Variants in SH2D4A observed in about 807,000 individuals in gnomAD.
SH2D4A encodes SH2 domain containing 4A.
SH2D4A carries 70 observed loss-of-function variants against 64.7 expected under a neutral mutation model. That is an observed-to-expected ratio of 1.08 (90% CI 0.89 to 1.32). SH2D4A has a LOEUF of 1.32. Ranked by LOEUF, SH2D4A falls within the 40% of genes most tolerant of loss-of-function variation. SH2D4A has a pLI of 0.00. For missense variants in SH2D4A, 706 were observed against 540.1 expected (o/e 1.31, Z -3.04); for synonymous variants, 268 against 200.7 (o/e 1.34, Z -2.83).
At chr8:19,360,293 C>G (rs1339071292) in intron 5 of SH2D4A, among the ~76,000 whole-genome samples, 11 of 146,236 alleles carry the variant, frequency 7.5e-5, no homozygotes, top group African/African-American at 2.8e-4. Context: ...AAATATTTTT[C>G]TGTTTTTTTT....
rs142576164 is a variant in SH2D4A, at chr8:19,362,413, C to T, written c.706+1099C>T. 8.5e-5 allele frequency among the ~76,000 whole-genome samples: 13 copies of T among 152,220 alleles called. No homozygotes were observed. The East Asian group carries it at 1.2e-3, about 14-fold the overall frequency. ...AATTCTGTTTTACAAAGTAGTCATG[C>T]GCTGTATGATGTTTTGGTCAACGAT... On this transcript the variant is annotated intron_variant, in intron 6 of 9. Coordinates refer to ENST00000265807, the MANE Select transcript of SH2D4A (RefSeq NM_022071.4).
rs372557685 is a variant in SH2D4A at position 19,357,989 on chromosome 8, GA to G, written c.594+708del. ...CCTGTGTTCCTGTGGACCATGCCATGAATTCCATGATTCCTCTGAAGGGACA... is the reference window on the plus strand; with the variant it reads ...CCTGTGTTCCTGTGGACCATGCCATGATTCCATGATTCCTCTGAAGGGACA... On this transcript the variant is annotated intron_variant, in intron 5 of 9. Transcript: ENST00000265807. Among the ~76,000 whole-genome samples, 26 of 152,270 alleles carry G rather than the reference GA, an allele frequency of 1.7e-4. No individual in the cohort carries two copies. In the East Asian group the frequency reaches 2.5e-3, roughly 15 times the overall value.
At chr8:19,389,735 C>T (rs377379526) in intron 8 of SH2D4A, among the ~76,000 whole-genome samples, 5 of 152,202 alleles carry the variant, frequency 3.3e-5, no homozygotes, top group South Asian at 4.2e-4. Context: ...GGCAACATGG[C>T]GAAACCCCAT....
intron 2 of SH2D4A, among the ~76,000 whole-genome samples, chr8:19,324,613 C>T (rs1051377702): frequency 6.6e-5 from 10 of 152,142 alleles, no homozygotes; most frequent in African/African-American, 1.9e-4. Flanking sequence ...CGCCCAGTCA[C>T]GAGTGTCTTG....
intron 1 of SH2D4A, among the ~76,000 whole-genome samples, chr8:19,318,820 C>A (rs2052133695): frequency 6.6e-6 from 1 of 152,166 alleles, no homozygotes; most frequent in Non-Finnish European, 1.5e-5. Flanking sequence ...AGGGAAATTG[C>A]AGAAAATGCA....
Position 19,313,937 on chromosome 8 carries a change from C to A in SH2D4A, c.-205+114C>A, listed in dbSNP as rs541130447. ...TGCATGGGAGGCGCAGGGGCCAGAG[C>A]GGGCGGGCGGAAGCCTCACCCCCGC... On this transcript the variant is annotated intron_variant, in intron 1 of 9. Coordinates refer to ENST00000265807, the MANE Select transcript of SH2D4A (RefSeq NM_022071.4). 9.5e-5 allele frequency: 122 copies of A among 1,280,972 alleles called. 1 individual carries two copies. In the African/African-American group the frequency reaches 1.3e-3, roughly 14 times the overall value. The allele number at this position is 1,280,972 out of a possible 1,614,324, so 79.4% of individuals were successfully genotyped here.
At chr8:19,377,531 A>T (rs1478015621) in intron 8 of SH2D4A, among the ~76,000 whole-genome samples, 1 of 152,204 alleles carries the variant, frequency 6.6e-6, no homozygotes, top group Admixed American at 6.5e-5. Context: ...TGTAATAAAA[A>T]TATACAGTAT....
chr8:19,365,391 C>T (rs1563203372), intron 7 of SH2D4A, among the ~76,000 whole-genome samples: 1 of 152,110 alleles, frequency 6.6e-6, no homozygotes, highest in Non-Finnish European at 1.5e-5. Flanking sequence ...TTACCGACAA[C>T]AAAGCAAGAA....
chr8:19,338,282 G>C (rs1056022316), intron 4 of SH2D4A, among the ~76,000 whole-genome samples: 1 of 152,160 alleles, frequency 6.6e-6, no homozygotes, highest in Non-Finnish European at 1.5e-5. Context: ...TCCTCGTGCT[G>C]TAGATTTTAG....
At chr8:19,371,597 G>T (rs1653652926) in intron 7 of SH2D4A, among the ~76,000 whole-genome samples, 1 of 150,726 alleles carries the variant, frequency 6.6e-6, no homozygotes, top group South Asian at 2.1e-4. Flanking sequence ...CCTATGCTTG[G>T]CTATTAATTT....
chr8:19,388,919 C>T (rs1046294444), intron 8 of SH2D4A, among the ~76,000 whole-genome samples: 1 of 152,144 alleles, frequency 6.6e-6, no homozygotes, highest in African/African-American at 2.4e-5. Context: ...ACAGTCATGG[C>T]AGAAGGTTCT....
At chr8:19,332,691 CAAAAAAAAA>C (rs58695585) in intron 2 of SH2D4A, among the ~76,000 whole-genome samples, 4 of 81,712 alleles carry the variant, frequency 4.9e-5, no homozygotes, top group African/African-American at 6.8e-5. Flanking sequence ...GTGAGACTGT[CAAAAAAAAA>C]AAAAAAAAAA....
At chr8:19,368,214 ATG>A (rs1355785309) in intron 7 of SH2D4A, among the ~76,000 whole-genome samples, 1 of 151,900 alleles carries the variant, frequency 6.6e-6, no homozygotes, top group Non-Finnish European at 1.5e-5. Context: ...TTCATTGTTT[ATG>A]TGTGTGTTTT....
intron 2 of SH2D4A, among the ~76,000 whole-genome samples, chr8:19,332,333 A>G (rs2052374778): frequency 6.6e-6 from 1 of 152,082 alleles, no homozygotes; most frequent in African/African-American, 2.4e-5. Flanking sequence ...CAGTTTCTTC[A>G]TTTATAAAAT....
In SH2D4A at chr8:19,361,828, G is replaced by A. The variant is rs530721634; in HGVS notation, c.706+514G>A. On this transcript the variant is annotated intron_variant, in intron 6 of 9. Coordinates refer to ENST00000265807, the MANE Select transcript of SH2D4A (RefSeq NM_022071.4). ...TGGATTTTTTTTCCCCTAAATTTTT[G>A]ATAGTGAATACATTTTAACTTTGTA... 2.6e-5 allele frequency among the ~76,000 whole-genome samples: 4 copies of A among 152,124 alleles called. No homozygotes were observed. The South Asian group carries it at 8.3e-4, about 32-fold the overall frequency.
intron 7 of SH2D4A, 60 bp from the exon 8 acceptor site, chr8:19,373,470 T>C: frequency 8.3e-7 from 1 of 1,211,756 alleles, no homozygotes. Context: ...ATATATGACT[T>C]TTGAGGGCAT....
chr8:19,321,807 T>A (rs1179859028), intron 2 of SH2D4A, among the ~76,000 whole-genome samples: 1 of 152,162 alleles, frequency 6.6e-6, no homozygotes, highest in African/African-American at 2.4e-5. Flanking sequence ...AGCCAAAGGG[T>A]TCTTGCCACT....
intron 2 of SH2D4A, among the ~76,000 whole-genome samples, chr8:19,324,015 T>G (rs867044421): frequency 1.8e-4 from 28 of 152,174 alleles, no homozygotes; most frequent in African/African-American, 6.8e-4. Context: ...ACGTAGAGCT[T>G]AACTGGAGCT....
At chr8:19,325,441 A>C (rs534983716) in intron 2 of SH2D4A, among the ~76,000 whole-genome samples, 11 of 152,340 alleles carry the variant, frequency 7.2e-5, no homozygotes, top group African/African-American at 2.6e-4. Context: ...ATTTGAACTC[A>C]GATACAGTTC....
Sources: gnomAD v4.1 joint callset for allele counts (sites outside exome capture counted in the v4.1 genomes callset) on GRCh38, gnomAD v4.1.1 for gene constraint, MANE v1.5 for transcripts, NCBI Gene and HGNC (gene_info 2026-07-23, HGNC 2026-07-21) for gene names.